The following LURAP1L variants were observed in gnomAD, a reference collection of about 807,000 sequenced individuals.
LURAP1L encodes the protein leucine rich adaptor protein 1-like.
A neutral mutation model predicts 13.8 loss-of-function variants in LURAP1L; 12 were observed. That is an observed-to-expected ratio of 0.87 (90% CI 0.56 to 1.41). LURAP1L has a LOEUF of 1.41. LURAP1L is among the 40% of genes most tolerant of loss of function. The pLI is 0.00. For synonymous variants in LURAP1L, 139 were observed against 119.2 expected (o/e 1.17, Z -1.08); for missense variants, 375 against 292.9 (o/e 1.28, Z -2.04).
chr9:12,788,194 A>AGAAAGAAAGAAAGAAAGAAAGAAAG lies in LURAP1L; in HGVS notation c.312+12167_312+12168insGAAAGAAAGAAAGAAAGAAAGAAAG, dbSNP rs1554657448. The stretch of plus-strand genomic sequence containing the variant: ...AAGAAAGAAAGAAAGAAAGAAAGAA[A>AGAAAGAAAGAAAGAAAGAAAGAAAG]AGAAAAGAAAAGAAAAGCTCAATGT... On this transcript the variant is annotated intron_variant, in intron 1 of 1. Coordinates refer to ENST00000319264, the MANE Select transcript of LURAP1L (RefSeq NM_203403.2). 6.5e-4 allele frequency among the ~76,000 whole-genome samples: 98 copies of AGAAAGAAAGAAAGAAAGAAAGAAAG among 151,524 alleles called. No homozygotes were observed. In the East Asian group the frequency reaches 7.4e-3, roughly 11 times the overall value.
intron 1 of LURAP1L, among the ~76,000 whole-genome samples, chr9:12,786,906 T>G (rs551587661): frequency 4.6e-5 from 7 of 152,130 alleles, no homozygotes; most frequent in Admixed American, 4.6e-4. Flanking sequence ...ACTTGTCTCC[T>G]GATACAATTG....
chr9:12,800,529 A>G (rs1471783147), intron 1 of LURAP1L, among the ~76,000 whole-genome samples: 3 of 147,072 alleles, frequency 2.0e-5, no homozygotes, highest in Admixed American at 1.4e-4. Flanking sequence ...GCAAAACAAC[A>G]AAACAAAAAA....
intron 1 of LURAP1L, among the ~76,000 whole-genome samples, chr9:12,802,491 C>T (rs1010945050): frequency 6.6e-6 from 1 of 152,186 alleles, no homozygotes; most frequent in Non-Finnish European, 1.5e-5. Flanking sequence ...TCTCCTTTTG[C>T]CTTCCTCCAT....
At position 12,775,862 on chromosome 9, in the gene LURAP1L, TGGCGGC is replaced by T. The variant is rs139315731; in HGVS notation, c.160_165del (p.Gly54_Gly55del). ...ACCCCTGCGGGGGGAGCGGTGGTGG[TGGCGGC>T]GGCGGCGGCGGCTGCAGTAGCAGCA... On this transcript the variant is annotated inframe_deletion, in exon 1 of 2. Coordinates refer to ENST00000319264, the MANE Select transcript of LURAP1L (RefSeq NM_203403.2). 1.1e-5 allele frequency: 16 copies of T among 1,511,376 alleles called. No individual in the cohort carries two copies. In the East Asian group the frequency reaches 1.9e-4, roughly 18 times the overall value. The allele number at this position is 1,511,376 out of a possible 1,614,324, so 93.6% of individuals were successfully genotyped here.
chr9:12,802,989 T>C lies in LURAP1L; in HGVS notation c.313-18397T>C, dbSNP rs1193685923. ...ACCCATCTGACTGACAGATGTCTTC[T>C]TTTCCTAAGAAAAATGAATCCATAC... On this transcript the variant is annotated intron_variant, in intron 1 of 1. Transcript: ENST00000319264. Among the ~76,000 whole-genome samples the C allele has an allele frequency of 2.0e-5, 3 of 152,186 alleles. No homozygotes were observed. In the East Asian group the frequency reaches 5.8e-4, roughly 29 times the overall value.
At chr9:12,811,872 C>G (rs1303492394) in intron 1 of LURAP1L, among the ~76,000 whole-genome samples, 1 of 152,158 alleles carries the variant, frequency 6.6e-6, no homozygotes, top group Non-Finnish European at 1.5e-5. Flanking sequence ...AATCTGCCAT[C>G]AAGGTGCCTT....
chr9:12,806,559 T>A (rs989122182), intron 1 of LURAP1L, among the ~76,000 whole-genome samples: 20 of 152,124 alleles, frequency 1.3e-4, no homozygotes. Context: ...CTATGCTCCA[T>A]TTTATCATGG....
At chr9:12,776,105 G>C (rs1297411457) in intron 1 of LURAP1L, 78 bp downstream of exon 1, 14 of 1,417,686 alleles carry the variant, frequency 9.9e-6, no homozygotes, top group African/African-American at 2.9e-5. Context: ...ATGGGGCTGG[G>C]AGAGAGGACG....
At chr9:12,783,651 G>T (rs1337306756) in intron 1 of LURAP1L, among the ~76,000 whole-genome samples, 1 of 151,868 alleles carries the variant, frequency 6.6e-6, no homozygotes, top group Non-Finnish European at 1.5e-5. Context: ...AGTGATATTG[G>T]CCTATACTTT....
intron 1 of LURAP1L, among the ~76,000 whole-genome samples, chr9:12,805,627 T>G (rs112548680): frequency 0.012 from 1,817 of 152,264 alleles, 36 homozygotes; most frequent in African/African-American, 0.042. Flanking sequence ...CTTCTACCAC[T>G]CAACAAAGAA....
intron 1 of LURAP1L, among the ~76,000 whole-genome samples, chr9:12,803,883 T>C (rs1819620443): frequency 6.6e-6 from 1 of 152,226 alleles, no homozygotes; most frequent in Non-Finnish European, 1.5e-5. Context: ...TTGTGGAAAA[T>C]AAAATGTAAA....
chr9:12,809,720 TGATA>T (rs1229289121), intron 1 of LURAP1L, among the ~76,000 whole-genome samples: 2 of 152,208 alleles, frequency 1.3e-5, no homozygotes, highest in Admixed American at 6.5e-5. Flanking sequence ...AAAGGAACTG[TGATA>T]GATAGGTCTT....
intron 1 of LURAP1L, among the ~76,000 whole-genome samples, chr9:12,818,805 C>A (rs1819836326): frequency 6.6e-6 from 1 of 152,026 alleles, no homozygotes; most frequent in African/African-American, 2.4e-5. Flanking sequence ...ATAAATGCAG[C>A]CGTGATTTAT....
At position 12,777,431 on chromosome 9, in the gene LURAP1L, G is replaced by T. The variant is rs888548867; in HGVS notation, c.312+1404G>T. The T allele has an allele frequency of 1.8e-5, 18 of 985,152 alleles. No individual in the cohort carries two copies. In the African/African-American group the frequency reaches 2.8e-4, roughly 15 times the overall value. 61.0% of individuals were successfully genotyped at this position (985,152 alleles called of 1,614,324 possible). On this transcript the variant is annotated intron_variant, in intron 1 of 1. Transcript: ENST00000319264. Reference sequence around the variant, plus strand: ...TCTTGTACAAGGAATTAAGAATGTTGCTAACTCTGCAAATTAAGGACTTAA... The same window carrying T: ...TCTTGTACAAGGAATTAAGAATGTTTCTAACTCTGCAAATTAAGGACTTAA...
chr9:12,776,539 C>T (rs929551953), intron 1 of LURAP1L, among the ~76,000 whole-genome samples: 2 of 152,070 alleles, frequency 1.3e-5, no homozygotes, highest in African/African-American at 4.8e-5. Flanking sequence ...ACCGCTCCGC[C>T]CTCCTGCCCT....
intron 1 of LURAP1L, among the ~76,000 whole-genome samples, chr9:12,818,007 A>G (rs1378278915): frequency 6.6e-6 from 1 of 152,024 alleles, no homozygotes; most frequent in Non-Finnish European, 1.5e-5. Context: ...CCGGGAGGAC[A>G]CAGGGTTAGA....
chr9:12,809,179 A>T lies in LURAP1L; in HGVS notation c.313-12207A>T, dbSNP rs558717765. ...CCTGATGCATCTGCCCCCATGACCG[A>T]AACACCTCCTACCAGGCCCCACCTC... On this transcript the variant is annotated intron_variant, in intron 1 of 1. Coordinates refer to ENST00000319264, the MANE Select transcript of LURAP1L (RefSeq NM_203403.2). 3.9e-5 allele frequency among the ~76,000 whole-genome samples: 6 copies of T among 152,296 alleles called. No homozygotes were observed. In the South Asian group the frequency reaches 1.2e-3, roughly 32 times the overall value.
At chr9:12,818,987 T>C (rs1586888943) in intron 1 of LURAP1L, among the ~76,000 whole-genome samples, 1 of 152,184 alleles carries the variant, frequency 6.6e-6, no homozygotes, top group African/African-American at 2.4e-5. Context: ...TTTATAAATG[T>C]TTGTTATATT....
At chr9:12,820,285 A>T (rs934505600) in intron 1 of LURAP1L, among the ~76,000 whole-genome samples, 32 of 152,186 alleles carry the variant, frequency 2.1e-4, no homozygotes, top group Non-Finnish European at 2.9e-4. Flanking sequence ...CGGGCGGATC[A>T]CGCGGTCAAG....
Sources: allele counts gnomAD v4.1 joint callset (sites outside exome capture counted in the v4.1 genomes callset), GRCh38; gene constraint gnomAD v4.1.1; transcripts MANE v1.5; gene names NCBI Gene and HGNC (gene_info 2026-07-23, HGNC 2026-07-21).